Variants in RPRD2 observed in about 807,000 individuals in gnomAD.
The protein encoded by RPRD2 is regulation of nuclear pre-mRNA domain-containing protein 2.
A neutral mutation model predicts 104.4 loss-of-function variants in RPRD2; 12 were observed. That is an observed-to-expected ratio of 0.11 (90% CI 0.07 to 0.19). The LOEUF is 0.19. RPRD2 is among the 10% of genes least tolerant of loss of function. The probability of loss-of-function intolerance (pLI) is 1.00; values close to 1 mark genes in which losing one functional copy is unlikely to be tolerated. For missense variants in RPRD2, 1,543 were observed against 1,790.1 expected (o/e 0.86, Z 2.49); for synonymous variants, 714 against 684.9 (o/e 1.04, Z -0.66).
chr1:150,411,354 A>T (rs1400005650), intron 1 of RPRD2, among the ~76,000 whole-genome samples: 1 of 149,044 alleles, frequency 6.7e-6, no homozygotes. Flanking sequence ...CCAGTTACTC[A>T]GGAAGCTGAA....
chr1:150,457,963 C>G (rs980940102), intron 8 of RPRD2, among the ~76,000 whole-genome samples: 1 of 151,930 alleles, frequency 6.6e-6, no homozygotes, highest in African/African-American at 2.4e-5. Context: ...TCCAGCTACC[C>G]GGGAGGCTGA....
chr1:150,384,448 ATCATTATTATTATTATTAT>A (rs1416388344), intron 1 of RPRD2, among the ~76,000 whole-genome samples: 5 of 107,674 alleles, frequency 4.6e-5, no homozygotes, highest in African/African-American at 1.4e-4. Context: ...AGGCATCATC[ATCATTATTATTATTATTAT>A]TATTATTATT....
chr1:150,428,946 T>A (rs1665363620), intron 2 of RPRD2, among the ~76,000 whole-genome samples: 1 of 151,896 alleles, frequency 6.6e-6, no homozygotes, highest in Non-Finnish European at 1.5e-5. Context: ...TTCTATAAGG[T>A]CGCTGTTGAA....
intron 1 of RPRD2, among the ~76,000 whole-genome samples, chr1:150,391,057 C>CT (rs1271552317): frequency 6.6e-6 from 1 of 152,138 alleles, no homozygotes; most frequent in Non-Finnish European, 1.5e-5. Flanking sequence ...CAGTATGAAA[C>CT]TATCACTGCA....
intron 2 of RPRD2, among the ~76,000 whole-genome samples, chr1:150,431,033 T>G (rs1665530837): frequency 6.6e-6 from 1 of 152,070 alleles, no homozygotes; most frequent in African/African-American, 2.4e-5. Context: ...AAATAAAAAT[T>G]TTATACCTAG....
chr1:150,452,656 AT>A (rs1553896863), intron 7 of RPRD2, among the ~76,000 whole-genome samples: 1 of 122,760 alleles, frequency 8.1e-6, no homozygotes, highest in Non-Finnish European at 1.7e-5. Context: ...CTTTTGACAT[AT>A]CCCCTTTTTT....
chr1:150,405,476 A>G (rs587731600), intron 1 of RPRD2, among the ~76,000 whole-genome samples: 4 of 152,274 alleles, frequency 2.6e-5, no homozygotes, highest in South Asian at 2.1e-4. Flanking sequence ...TTGGTAGCAT[A>G]TAATTCCGTA....
At chr1:150,378,632 A>G (rs977409042) in intron 1 of RPRD2, among the ~76,000 whole-genome samples, 8 of 152,128 alleles carry the variant, frequency 5.3e-5, no homozygotes, top group South Asian at 4.1e-4. Context: ...ATGAAAAACA[A>G]TTTGCTCCCA....
chr1:150,390,341 TA>T (rs1661968457), intron 1 of RPRD2, among the ~76,000 whole-genome samples: 2 of 151,832 alleles, frequency 1.3e-5, no homozygotes, highest in South Asian at 2.1e-4. Flanking sequence ...CTAAAAATAT[TA>T]AAAAATTAGC....
rs1277232082 is a variant in RPRD2, at chr1:150,373,837, TAG to T, written c.205+8927_205+8928del. On this transcript the variant is annotated intron_variant, in intron 1 of 10. Coordinates refer to ENST00000369068, the MANE Select transcript of RPRD2 (RefSeq NM_015203.5). ...AGCCAGGAAGCTGGAAGAGATCAAC[TAG>T]AGAGAGAGTGTAGATAGGGAAGTAA... 5.9e-5 allele frequency among the ~76,000 whole-genome samples: 9 copies of T among 152,178 alleles called. No individual in the cohort carries two copies. The East Asian group carries it at 1.7e-3, about 29-fold the overall frequency.
chr1:150,458,704 A>T (rs1251330526), intron 8 of RPRD2, among the ~76,000 whole-genome samples: 1 of 152,100 alleles, frequency 6.6e-6, no homozygotes, highest in African/African-American at 2.4e-5. Flanking sequence ...CAGTTGCGCA[A>T]TCTTGGCTCA....
intron 2 of RPRD2, among the ~76,000 whole-genome samples, chr1:150,432,473 AG>A (rs1553892062): frequency 2.0e-5 from 3 of 151,944 alleles, no homozygotes; most frequent in Non-Finnish European, 4.4e-5. Context: ...AGCCTTTGGG[AG>A]GTGATGAGGT....
chr1:150,394,584 GT>G lies in RPRD2; in HGVS notation c.206-23003del, dbSNP rs199537877. Among the ~76,000 whole-genome samples, 37 of 151,152 alleles carry G rather than the reference GT, an allele frequency of 2.4e-4. 2 individuals are homozygous for G. The highest frequency in any genetic ancestry group is 1.4e-3 in the East Asian group (7 of 5,154). Reference sequence around the variant, plus strand: ...ACTGAACTTTCAACCTTTTTGTGGAGTTTTTTTTTGTTTTGTTTTTGTTTTG... The same window carrying G: ...ACTGAACTTTCAACCTTTTTGTGGAGTTTTTTTTGTTTTGTTTTTGTTTTG... On this transcript the variant is annotated intron_variant, in intron 1 of 10. Coordinates refer to ENST00000369068, the MANE Select transcript of RPRD2 (RefSeq NM_015203.5).
intron 2 of RPRD2, among the ~76,000 whole-genome samples, chr1:150,439,160 A>G (rs1666233165): frequency 6.6e-6 from 1 of 152,174 alleles, no homozygotes; most frequent in Non-Finnish European, 1.5e-5. Flanking sequence ...AACACAGAAA[A>G]TTGTGAAAAG....
intron 10 of RPRD2, among the ~76,000 whole-genome samples, chr1:150,465,348 C>T (rs186572198): frequency 6.6e-6 from 1 of 151,952 alleles, no homozygotes; most frequent in East Asian, 1.9e-4. Context: ...GAACTCCTGA[C>T]CTCAGGCAGT....
intron 2 of RPRD2, among the ~76,000 whole-genome samples, chr1:150,423,388 T>C (rs1285269618): frequency 6.6e-6 from 1 of 152,200 alleles, no homozygotes; most frequent in Non-Finnish European, 1.5e-5. Context: ...ATATCTTTAA[T>C]GTGGGTAGTG....
chr1:150,434,905 A>G (rs1665892451), intron 2 of RPRD2, among the ~76,000 whole-genome samples: 1 of 152,210 alleles, frequency 6.6e-6, no homozygotes, highest in Non-Finnish European at 1.5e-5. Context: ...AAATAACAGA[A>G]TAGAATTTTT....
intron 2 of RPRD2, among the ~76,000 whole-genome samples, chr1:150,440,685 T>C (rs587684845): frequency 6.6e-6 from 1 of 152,354 alleles, no homozygotes; most frequent in South Asian, 2.1e-4. Flanking sequence ...GTATGTCATC[T>C]GTAGCTTCAT....
intron 1 of RPRD2, among the ~76,000 whole-genome samples, chr1:150,382,666 A>G (rs1181537708): frequency 3.9e-5 from 6 of 151,932 alleles, no homozygotes; most frequent in Non-Finnish European, 7.4e-5. Context: ...GCCTATAGCT[A>G]TTGTGCTAAT....
Sources: gnomAD v4.1 joint callset for allele counts (sites outside exome capture counted in the v4.1 genomes callset) on GRCh38, gnomAD v4.1.1 for gene constraint, MANE v1.5 for transcripts, NCBI Gene and HGNC (gene_info 2026-07-23, HGNC 2026-07-21) for gene names.